Variants in SLC45A1 observed in about 807,000 individuals in gnomAD.
SLC45A1 encodes solute carrier family 45 member 1.
SLC45A1 carries 28 observed loss-of-function variants against 57.6 expected under a neutral mutation model. That is an observed-to-expected ratio of 0.49 (90% CI 0.36 to 0.67). SLC45A1 has a LOEUF of 0.67. Among genes scored for constraint, SLC45A1 ranks in the 30% least tolerant of loss-of-function variants. The pLI is 0.00. For synonymous variants in SLC45A1, 459 were observed against 471.5 expected (o/e 0.97, Z 0.34); for missense variants, 814 against 1,041.5 (o/e 0.78, Z 3.01).
In SLC45A1 at chr1:8,328,658, G is replaced by A. The variant is rs1404791210; in HGVS notation, c.716-1551G>A. Among the ~76,000 whole-genome samples, 2 of 152,006 alleles carry A rather than the reference G, an allele frequency of 1.3e-5. No individual in the cohort carries two copies. The highest frequency in any genetic ancestry group is 2.9e-5 in the Non-Finnish European group (2 of 68,002). On this transcript the variant is annotated intron_variant, in intron 4 of 8. Transcript: ENST00000471889. This position sits in a 1 kb window ranked among gnomAD's most constrained non-coding sequence, Gnocchi z 4.6. Reference sequence around the variant, plus strand: ...GTTCAAGACCAGCTTGGCCAACATGGTGAAACCCCATCTCTACTAAACATA... The same window carrying A: ...GTTCAAGACCAGCTTGGCCAACATGATGAAACCCCATCTCTACTAAACATA...
chr1:8,324,066 G>A (rs1026910840), intron 1 of SLC45A1, among the ~76,000 whole-genome samples: 1 of 152,190 alleles, frequency 6.6e-6, no homozygotes, highest in East Asian at 1.9e-4. Context: ...CTTTGAGTTT[G>A]AGGTGGGGAC....
rs1640219172 is a variant in SLC45A1, at chr1:8,326,907, G to C, written c.715+865G>C. ...AGGCAGGAGAATCACTTGAATCCGG[G>C]AGGCGGAGGTTGCAGTGAACTGAGA... On this transcript the variant is annotated intron_variant, in intron 4 of 8. Transcript: ENST00000471889. The surrounding 1 kb of genome is among the most constrained non-coding windows in gnomAD (Gnocchi z 5.5). 6.6e-6 allele frequency among the ~76,000 whole-genome samples: 1 copy of C among 152,256 alleles called. No individual in the cohort carries two copies. The highest frequency in any genetic ancestry group is 1.5e-5 in the Non-Finnish European group (1 of 68,050).
intron 6 of SLC45A1, chr1:8,336,056 A>G (rs1250789179): frequency 6.3e-6 from 1 of 158,210 alleles, no homozygotes. Flanking sequence ...GAAAAGCACC[A>G]ACTTGCGTTT....
rs1424607044 is a variant in SLC45A1, at chr1:8,339,512, G to T, written c.1794G>T (p.Glu598Asp). ...AFYSAILEKL[E>D]EFLSVRTLYF... Reference sequence around the variant, plus strand: ...CCGCAGCTATCCTGGAGAAGCTGGAGGAGTTCCTCAGCGTCCGCACCCTCT... The same window carrying T: ...CCGCAGCTATCCTGGAGAAGCTGGATGAGTTCCTCAGCGTCCGCACCCTCT... Residue 598 changes from glutamate to aspartate, a missense_variant, in exon 8 of 9, where the codon GAG (glutamate) becomes GAT (aspartate). Glu to Asp is a conservative substitution (Grantham distance 45, BLOSUM62 2). Transcript: ENST00000471889. 4.3e-6 allele frequency: 7 copies of T among 1,614,178 alleles called. No homozygotes were observed. Among genetic ancestry groups the T allele is most frequent in the Non-Finnish European group, 5.9e-6 (7 of 1,180,030 alleles).
intron 1 of SLC45A1, among the ~76,000 whole-genome samples, chr1:8,323,320 G>A (rs1452207679): frequency 3.3e-5 from 5 of 152,112 alleles, no homozygotes; most frequent in South Asian, 4.2e-4. Flanking sequence ...ATGAAACCCC[G>A]TCTCTACTAA....
At chr1:8,319,994 A>C (rs112673896) in intron 1 of SLC45A1, among the ~76,000 whole-genome samples, 28,164 of 152,202 alleles carry the variant, frequency 0.19, 2,838 homozygotes, top group South Asian at 0.31. Flanking sequence ...CTGGCATTAC[A>C]GGCGTCAGCC....
intron 5 of SLC45A1, among the ~76,000 whole-genome samples, chr1:8,332,511 AT>A (rs746223378): frequency 0.037 from 5,083 of 137,886 alleles, 145 homozygotes; most frequent in African/African-American, 0.089. Context: ...TCACGGGCTG[AT>A]TTTTTTTTTT....
chr1:8,334,140 ATC>A (rs1392692826), intron 5 of SLC45A1, among the ~76,000 whole-genome samples: 1 of 152,090 alleles, frequency 6.6e-6, no homozygotes, highest in Non-Finnish European at 1.5e-5. Flanking sequence ...GTGGTTGAAA[ATC>A]TCTTCTTCAT....
At chr1:8,341,372 TA>T (rs1159804437) in intron 8 of SLC45A1, among the ~76,000 whole-genome samples, 1 of 142,100 alleles carries the variant, frequency 7.0e-6, no homozygotes, top group Non-Finnish European at 1.5e-5. Flanking sequence ...CCATCTCTAC[TA>T]AAAATACAAA....
rs529139440 is a variant in SLC45A1 at position 8,343,119 on chromosome 1, G to A, written c.1981-628G>A. On this transcript the variant is annotated intron_variant, in intron 8 of 8. Coordinates refer to ENST00000471889, the MANE Select transcript of SLC45A1 (RefSeq NM_001080397.3). This position sits in a 1 kb window ranked among gnomAD's most constrained non-coding sequence, Gnocchi z 7.7. ...CCGCAGGGGAGGCCCAGGCTCCCAG[G>A]TCACAGCAATGCCCACTCACGCAGC... is the stretch of plus-strand genomic sequence containing the variant. 2.0e-5 allele frequency among the ~76,000 whole-genome samples: 3 copies of A among 152,284 alleles called. No individual in the cohort carries two copies. Among genetic ancestry groups the A allele is most frequent in the African/African-American group, 7.2e-5 (3 of 41,566 alleles).
In SLC45A1 at chr1:8,330,125, T is replaced by C; in HGVS notation, c.716-84T>C. Reference sequence around the variant, plus strand: ...CGTCCCTGGAATGGCCTTGGCTACCTTCATGTCCTTCTAAGAACGGGGCCA... The same window carrying C: ...CGTCCCTGGAATGGCCTTGGCTACCCTCATGTCCTTCTAAGAACGGGGCCA... On this transcript the variant is annotated intron_variant, in intron 4 of 8. Coordinates refer to ENST00000471889, the MANE Select transcript of SLC45A1 (RefSeq NM_001080397.3). This position sits in a 1 kb window ranked among gnomAD's most constrained non-coding sequence, Gnocchi z 8.4. 1 of 1,523,392 alleles carries C rather than the reference T, an allele frequency of 6.6e-7. No individual in the cohort carries two copies. The allele number at this position is 1,523,392 out of a possible 1,614,324, so 94.4% of individuals were successfully genotyped here.
At chr1:8,336,961 C>T (rs1640632473) in intron 6 of SLC45A1, among the ~76,000 whole-genome samples, 1 of 152,196 alleles carries the variant, frequency 6.6e-6, no homozygotes. Flanking sequence ...GCTGGAGCAC[C>T]TCCACTGCTA....
chr1:8,338,765 G>A (rs558517454), intron 7 of SLC45A1, among the ~76,000 whole-genome samples: 1 of 152,126 alleles, frequency 6.6e-6, no homozygotes, highest in East Asian at 1.9e-4. Context: ...TCTTTTTTTG[G>A]TTTTTTAAAT....
Position 8,328,500 on chromosome 1 carries a change from T to C in SLC45A1, c.716-1709T>C, listed in dbSNP as rs549611015. On this transcript the variant is annotated intron_variant, in intron 4 of 8. Coordinates refer to ENST00000471889, the MANE Select transcript of SLC45A1 (RefSeq NM_001080397.3). This position sits in a 1 kb window ranked among gnomAD's most constrained non-coding sequence, Gnocchi z 4.6. ...GACGTCGGTTTTTACCTTACGCCCG[T>C]CTATGAGAATGCACCACTTTGATCA... 6.6e-6 allele frequency among the ~76,000 whole-genome samples: 1 copy of C among 152,316 alleles called. No individual in the cohort carries two copies. Among genetic ancestry groups the C allele is most frequent in the African/African-American group, 2.4e-5 (1 of 41,548 alleles).
Position 8,343,499 on chromosome 1 carries a change from G to A in SLC45A1, c.1981-248G>A, listed in dbSNP as rs1181805208. Among the ~76,000 whole-genome samples, 2 of 152,134 alleles carry A rather than the reference G, an allele frequency of 1.3e-5. No individual in the cohort carries two copies. The highest frequency in any genetic ancestry group is 2.4e-5 in the African/African-American group (1 of 41,440). On this transcript the variant is annotated intron_variant, in intron 8 of 8. Transcript: ENST00000471889. The surrounding 1 kb of genome is among the most constrained non-coding windows in gnomAD (Gnocchi z 7.7). Reference sequence around the variant, plus strand: ...GTGCTGAGCGGGGAAAGTGTCTCCCGCCACCTCGGCCCGTGGGAGCTCAGC... The same window carrying A: ...GTGCTGAGCGGGGAAAGTGTCTCCCACCACCTCGGCCCGTGGGAGCTCAGC...
chr1:8,341,085 G>A (rs1260808494), intron 8 of SLC45A1, among the ~76,000 whole-genome samples: 1 of 151,854 alleles, frequency 6.6e-6, no homozygotes, highest in Non-Finnish European at 1.5e-5. Context: ...CCAGCTACTC[G>A]GGAGGCTGAG....
chr1:8,320,545 G>A lies in SLC45A1; in HGVS notation c.-25+2359G>A, dbSNP rs57797647. ...TGTAGTTCCAGCTATTTGGGAGGCT[G>A]AGGTGAGAGGATCACCTGAGCCCAG... On this transcript the variant is annotated intron_variant, in intron 1 of 8. Transcript: ENST00000471889. 9.5e-3 allele frequency among the ~76,000 whole-genome samples: 1,454 copies of A among 152,266 alleles called. 21 individuals are homozygous for A. Among genetic ancestry groups the A allele is most frequent in the African/African-American group, 0.033 (1,373 of 41,554 alleles).
intron 5 of SLC45A1, among the ~76,000 whole-genome samples, chr1:8,334,031 T>C (rs936727174): frequency 1.3e-5 from 2 of 152,206 alleles, no homozygotes; most frequent in Admixed American, 6.5e-5. Context: ...AGCCTCATTG[T>C]GGATGATGCC....
intron 6 of SLC45A1, among the ~76,000 whole-genome samples, chr1:8,337,137 A>G (rs1278680121): frequency 1.3e-5 from 2 of 152,220 alleles, no homozygotes; most frequent in East Asian, 3.9e-4. Flanking sequence ...GCTGGGGAGG[A>G]CTCACAATCA....
Sources: allele counts gnomAD v4.1 joint callset (sites outside exome capture counted in the v4.1 genomes callset), GRCh38; gene constraint gnomAD v4.1.1; non-coding constraint Gnocchi (gnomAD v3.1); transcripts MANE v1.5; gene names NCBI Gene and HGNC (gene_info 2026-07-23, HGNC 2026-07-21).